RALYL: variants seen among roughly 807,000 people sequenced by gnomAD.
RALYL encodes RNA-binding Raly-like protein.
A neutral mutation model predicts 35.1 loss-of-function variants in RALYL; 29 were observed. The ratio of observed to expected loss-of-function variants is 0.83; its 90% CI spans 0.61 to 1.13. RALYL has a LOEUF of 1.13. RALYL is among the 50% of genes most tolerant of loss of function. RALYL has a pLI of 0.00. For synonymous variants in RALYL, 120 were observed against 127.6 expected (o/e 0.94, Z 0.40); for missense variants, 359 against 360.4 (o/e 1.00, Z 0.03).
At chr8:84,535,892 A>G (rs1258384601) in intron 2 of RALYL, among the ~76,000 whole-genome samples, 1 of 152,132 alleles carries the variant, frequency 6.6e-6, no homozygotes, top group Non-Finnish European at 1.5e-5. Context: ...GTTAAGAATT[A>G]CTGTTGTAGG....
chr8:84,469,902 C>T (rs1433462440), intron 1 of RALYL, among the ~76,000 whole-genome samples: 1 of 152,202 alleles, frequency 6.6e-6, no homozygotes, highest in East Asian at 1.9e-4. Flanking sequence ...ACCCGATTTT[C>T]CAGGTGCCGT....
chr8:84,642,774 G>T (rs754378960), intron 2 of RALYL, among the ~76,000 whole-genome samples: 1 of 151,966 alleles, frequency 6.6e-6, no homozygotes, highest in Non-Finnish European at 1.5e-5. Context: ...AAGGAGGTCA[G>T]GTTTTACAGA....
chr8:84,785,977 C>T (rs1345553799), intron 3 of RALYL, among the ~76,000 whole-genome samples: 2 of 152,194 alleles, frequency 1.3e-5, no homozygotes, highest in Non-Finnish European at 2.9e-5. Context: ...GATGCTCTCC[C>T]TCTCCCCACC....
At chr8:84,481,481 A>AT (rs11453343) in intron 1 of RALYL, among the ~76,000 whole-genome samples, 53,136 of 151,928 alleles carry the variant, frequency 0.35, 9,594 homozygotes, top group South Asian at 0.52. Flanking sequence ...TTCTATTCCT[A>AT]TTTTGAAATT....
intron 1 of RALYL, among the ~76,000 whole-genome samples, chr8:84,208,177 T>A (rs1818533118): frequency 6.6e-6 from 1 of 152,190 alleles, no homozygotes; most frequent in Non-Finnish European, 1.5e-5. Flanking sequence ...TATATGAAGC[T>A]CTTTTCTGTA....
intron 2 of RALYL, among the ~76,000 whole-genome samples, chr8:84,536,613 T>C (rs1003971173): frequency 1.3e-5 from 2 of 152,200 alleles, no homozygotes; most frequent in African/African-American, 4.8e-5. Context: ...TTATGGAGAT[T>C]TCTAAGTCAT....
At chr8:84,589,000 C>T (rs974181719) in intron 2 of RALYL, among the ~76,000 whole-genome samples, 5 of 152,094 alleles carry the variant, frequency 3.3e-5, no homozygotes, top group East Asian at 1.9e-4. Context: ...TGGGTTCTAG[C>T]GATTCTCCTG....
chr8:84,222,243 A>G (rs1054553759), intron 1 of RALYL, among the ~76,000 whole-genome samples: 1 of 152,182 alleles, frequency 6.6e-6, no homozygotes, highest in African/African-American at 2.4e-5. Flanking sequence ...ATTAATCCAT[A>G]TAGACTAATA....
At chr8:84,717,168 C>T (rs138255127) in intron 2 of RALYL, among the ~76,000 whole-genome samples, 1,929 of 152,254 alleles carry the variant, frequency 0.013, 44 homozygotes, top group African/African-American at 0.044. Flanking sequence ...ACCTGGGCGA[C>T]AGAGCGGGAC....
Position 84,410,601 on chromosome 8 carries a change from A to G in RALYL, c.-23-118698A>G, listed in dbSNP as rs566899487. Among the ~76,000 whole-genome samples, 8 of 151,896 alleles carry G rather than the reference A, an allele frequency of 5.3e-5. No individual in the cohort carries two copies. In the East Asian group the frequency reaches 1.5e-3, roughly 29 times the overall value. On this transcript the variant is annotated intron_variant, in intron 1 of 8. Coordinates refer to ENST00000521268, the MANE Select transcript of RALYL (RefSeq NM_173848.7). ...TTAAAATATCAGGACATTATTGTTTACAATATGTCGTTTTTAAAAACTAAT... is the reference window on the plus strand; with the variant it reads ...TTAAAATATCAGGACATTATTGTTTGCAATATGTCGTTTTTAAAAACTAAT...
chr8:84,439,441 A>C (rs2048096761), intron 1 of RALYL, among the ~76,000 whole-genome samples: 1 of 152,152 alleles, frequency 6.6e-6, no homozygotes, highest in Non-Finnish European at 1.5e-5. Flanking sequence ...TATACTAGAA[A>C]TAAATAATAC....
rs79967068 is a variant in RALYL at position 84,432,581 on chromosome 8, G to A, written c.-23-96718G>A. Among the ~76,000 whole-genome samples, 324 of 152,172 alleles carry A rather than the reference G, an allele frequency of 2.1e-3. 4 individuals are homozygous for A. The East Asian group carries it at 0.054, about 25-fold the overall frequency. ...GTGTCCCCCAGAATGATATGTTGCA[G>A]CACTAACCCTGGTACCTCAGAATGT... is the stretch of plus-strand genomic sequence containing the variant. On this transcript the variant is annotated intron_variant, in intron 1 of 8. Coordinates refer to ENST00000521268, the MANE Select transcript of RALYL (RefSeq NM_173848.7).
intron 1 of RALYL, among the ~76,000 whole-genome samples, chr8:84,405,823 CTTTTT>C (rs776007226): frequency 8.5e-6 from 1 of 118,154 alleles, no homozygotes; most frequent in African/African-American, 3.3e-5. Flanking sequence ...TATTTTCATT[CTTTTT>C]TTTTTTTTTT....
chr8:84,217,030 A>G (rs1034064132), intron 1 of RALYL, among the ~76,000 whole-genome samples: 2 of 152,154 alleles, frequency 1.3e-5, no homozygotes, highest in African/African-American at 2.4e-5. Context: ...TAATGACAAC[A>G]CAAAGGGTTA....
At position 84,200,127 on chromosome 8, in the gene RALYL, G is replaced by A. The variant is rs140209717; in HGVS notation, c.-24+15703G>A. ...AAACCAAAGTTTTCTGCTTTTACTC[G>A]TTTGAGCTTCTGTAACAGTATTAGT... On this transcript the variant is annotated intron_variant, in intron 1 of 8. Transcript: ENST00000521268. Among the ~76,000 whole-genome samples, 691 of 152,100 alleles carry A rather than the reference G, an allele frequency of 4.5e-3. 4 individuals carry two copies. The highest frequency in any genetic ancestry group is 0.015 in the African/African-American group (618 of 41,504).
At chr8:84,185,118 T>A in intron 1 of RALYL, 1 of 1,171,532 alleles carries the variant, frequency 8.5e-7, no homozygotes, top group Non-Finnish European at 1.3e-6. Flanking sequence ...TGGTTTTAAG[T>A]GCCTGCTGGT....
At chr8:84,711,725 G>C (rs144690981) in intron 2 of RALYL, among the ~76,000 whole-genome samples, 20 of 152,252 alleles carry the variant, frequency 1.3e-4, no homozygotes, top group African/African-American at 4.8e-4. Flanking sequence ...GTAATTTTTA[G>C]AATATGACTT....
chr8:84,545,238 G>T (rs180819747), intron 2 of RALYL, among the ~76,000 whole-genome samples: 4 of 151,792 alleles, frequency 2.6e-5, no homozygotes, highest in African/African-American at 9.7e-5. Context: ...TAAAATTTCC[G>T]TAAGCAACCA....
intron 2 of RALYL, among the ~76,000 whole-genome samples, chr8:84,538,779 G>T (rs969095963): frequency 6.6e-6 from 1 of 152,070 alleles, no homozygotes; most frequent in Non-Finnish European, 1.5e-5. Context: ...AGGCTTATGC[G>T]CCAGTTGTGG....
Sources: allele counts gnomAD v4.1 joint callset (sites outside exome capture counted in the v4.1 genomes callset), GRCh38; gene constraint gnomAD v4.1.1; transcripts MANE v1.5; gene names NCBI Gene and HGNC (gene_info 2026-07-23, HGNC 2026-07-21).